B3GLCT: variants seen among roughly 807,000 people sequenced by gnomAD.
B3GLCT encodes the protein beta 3-glucosyltransferase, also known as beta-1,3-glucosyltransferase.
A neutral mutation model predicts 63.4 loss-of-function variants in B3GLCT; 65 were observed. The observed-to-expected ratio is 1.03, with a 90% CI of 0.84 to 1.26. B3GLCT has a LOEUF of 1.26. B3GLCT is among the 50% of genes most tolerant of loss of function. The pLI is 0.00. For synonymous variants in B3GLCT, 233 were observed against 219.2 expected (o/e 1.06, Z -0.55); for missense variants, 577 against 604.8 (o/e 0.95, Z 0.48).
chr13:31,257,655 C>T (rs1313267432), intron 6 of B3GLCT, among the ~76,000 whole-genome samples: 1 of 151,780 alleles, frequency 6.6e-6, no homozygotes, highest in African/African-American at 2.4e-5. Flanking sequence ...TAAGAAATAC[C>T]TAAGAGTACT....
chr13:31,244,119 A>G (rs1480809975), intron 4 of B3GLCT, among the ~76,000 whole-genome samples: 3 of 152,198 alleles, frequency 2.0e-5, no homozygotes, highest in Non-Finnish European at 2.9e-5. Flanking sequence ...GGTAATGTTG[A>G]TATAACATTT....
intron 6 of B3GLCT, among the ~76,000 whole-genome samples, chr13:31,260,642 A>G (rs1725971113): frequency 6.6e-6 from 1 of 152,228 alleles, no homozygotes; most frequent in Non-Finnish European, 1.5e-5. Context: ...TTGCCCTAAT[A>G]GTCTTTTTAT....
In B3GLCT at chr13:31,267,943, C is replaced by T. The variant is rs146720902; in HGVS notation, c.597-1271C>T. On this transcript the variant is annotated intron_variant, in intron 7 of 14. Transcript: ENST00000343307. ...GCAGCCTTCAACTACTAGGCTCAAG[C>T]GATCCTCCCACCTCAGCCTTCTGAG... 9.9e-4 allele frequency among the ~76,000 whole-genome samples: 150 copies of T among 151,772 alleles called. 1 individual carries two copies. Among genetic ancestry groups the T allele is most frequent in the South Asian group, 4.0e-3 (19 of 4,804 alleles).
Position 31,297,351 on chromosome 13 carries a change from C to T in B3GLCT, c.1064+10532C>T, listed in dbSNP as rs79734608. 5.7e-3 allele frequency among the ~76,000 whole-genome samples: 857 copies of T among 150,022 alleles called. 10 individuals are homozygous for T. The highest frequency in any genetic ancestry group is 0.02 in the African/African-American group (824 of 40,718). Reference sequence around the variant, plus strand: ...ACAAGGTTTCCAGTTTCTCCACATCCTTGTCAACCCCATTATTTTCTGGGT... The same window carrying T: ...ACAAGGTTTCCAGTTTCTCCACATCTTTGTCAACCCCATTATTTTCTGGGT... On this transcript the variant is annotated intron_variant, in intron 12 of 14. Coordinates refer to ENST00000343307, the MANE Select transcript of B3GLCT (RefSeq NM_194318.4).
chr13:31,293,902 C>T lies in B3GLCT; in HGVS notation c.1064+7083C>T, dbSNP rs144793709. Among the ~76,000 whole-genome samples, 169 of 152,246 alleles carry T rather than the reference C, an allele frequency of 1.1e-3. 2 individuals carry two copies. Among genetic ancestry groups the T allele is most frequent in the East Asian group, 0.011 (55 of 5,180 alleles). ...AGTTGATGCAGTTTCTTCATAGTGT[C>T]GAAGGTCTTTACAATTTGATATGTT... On this transcript the variant is annotated intron_variant, in intron 12 of 14. Transcript: ENST00000343307.
chr13:31,309,243 C>T (rs1874571243), intron 12 of B3GLCT, among the ~76,000 whole-genome samples: 1 of 152,198 alleles, frequency 6.6e-6, no homozygotes, highest in Non-Finnish European at 1.5e-5. Flanking sequence ...TCAATTGTTC[C>T]TGAAAAACTC....
At chr13:31,252,046 G>C (rs1307519860) in intron 6 of B3GLCT, among the ~76,000 whole-genome samples, 1 of 152,154 alleles carries the variant, frequency 6.6e-6, no homozygotes, top group Non-Finnish European at 1.5e-5. Flanking sequence ...AGCCAGAAGA[G>C]AGTGTGTGCC....
intron 2 of B3GLCT, among the ~76,000 whole-genome samples, chr13:31,219,159 G>A (rs1476216725): frequency 2.0e-5 from 3 of 152,032 alleles, no homozygotes; most frequent in Admixed American, 6.5e-5. Flanking sequence ...AAAACGTCAG[G>A]CCAGTATCCC....
intron 1 of B3GLCT, among the ~76,000 whole-genome samples, chr13:31,207,527 T>C (rs1429873220): frequency 6.6e-6 from 1 of 152,236 alleles, no homozygotes; most frequent in Non-Finnish European, 1.5e-5. Context: ...TTTTCCCTCT[T>C]GAATATATAT....
intron 4 of B3GLCT, among the ~76,000 whole-genome samples, chr13:31,232,936 G>A (rs1319086273): frequency 6.6e-6 from 1 of 152,098 alleles, no homozygotes; most frequent in Non-Finnish European, 1.5e-5. Context: ...CTTCTCTATT[G>A]TAATAGAAGT....
chr13:31,270,653 GC>G (rs1238088886), intron 8 of B3GLCT, among the ~76,000 whole-genome samples: 1 of 152,162 alleles, frequency 6.6e-6, no homozygotes, highest in Non-Finnish European at 1.5e-5. Flanking sequence ...TTGAGGAGAG[GC>G]CTCCTTCCGT....
At chr13:31,305,318 TA>T (rs1278193848) in intron 12 of B3GLCT, among the ~76,000 whole-genome samples, 3 of 114,330 alleles carry the variant, frequency 2.6e-5, no homozygotes, top group Non-Finnish European at 5.6e-5. Context: ...AGGCAAGAAA[TA>T]ACTAAAATCA....
intron 12 of B3GLCT, among the ~76,000 whole-genome samples, chr13:31,289,276 A>G (rs1873520617): frequency 1.3e-5 from 2 of 152,160 alleles, no homozygotes. Flanking sequence ...CTTATAAATT[A>G]TCAATATTTT....
intron 1 of B3GLCT, among the ~76,000 whole-genome samples, chr13:31,212,962 T>C (rs1869347653): frequency 6.6e-6 from 1 of 152,260 alleles, no homozygotes; most frequent in Non-Finnish European, 1.5e-5. Context: ...AGAATTTAAA[T>C]GACTTTGCAG....
At chr13:31,309,433 C>T (rs779061537) in intron 12 of B3GLCT, among the ~76,000 whole-genome samples, 7 of 152,196 alleles carry the variant, frequency 4.6e-5, no homozygotes, top group Admixed American at 1.3e-4. Context: ...CACAGGTTGA[C>T]GGCTCAGTCC....
At chr13:31,229,086 C>T (rs942425595) in intron 3 of B3GLCT, 99 bp from the exon 4 acceptor site, 10 of 782,732 alleles carry the variant, frequency 1.3e-5, no homozygotes, top group African/African-American at 3.5e-5. Context: ...AGTTTACTGC[C>T]TGAAGGTTTG....
At chr13:31,223,056 C>T (rs1290892440) in intron 3 of B3GLCT, 65 bp downstream of exon 3, 5 of 1,074,922 alleles carry the variant, frequency 4.7e-6, no homozygotes, top group Non-Finnish European at 5.7e-6. Context: ...ATTATATTTC[C>T]ATGAAGTGAT....
chr13:31,281,370 T>C (rs1873061654), intron 10 of B3GLCT, among the ~76,000 whole-genome samples: 1 of 152,176 alleles, frequency 6.6e-6, no homozygotes, highest in African/African-American at 2.4e-5. Context: ...AAGGGGTGTT[T>C]GGTGGCTGGT....
intron 3 of B3GLCT, among the ~76,000 whole-genome samples, chr13:31,227,803 G>A (rs1222072285): frequency 3.3e-5 from 5 of 152,198 alleles, no homozygotes; most frequent in African/African-American, 9.6e-5. Context: ...TAGGTTCTCT[G>A]AGCTGAGGTG....
Sources: allele counts gnomAD v4.1 joint callset (sites outside exome capture counted in the v4.1 genomes callset), GRCh38; gene constraint gnomAD v4.1.1; transcripts MANE v1.5; gene names NCBI Gene and HGNC (gene_info 2026-07-23, HGNC 2026-07-21).